Variants in TNS3 observed in about 807,000 individuals in gnomAD.
TNS3 encodes the protein tensin 3, also known as tensin-3.
In TNS3, 45 loss-of-function variants were observed where a neutral mutation model predicts 140.9. The ratio of observed to expected loss-of-function variants is 0.32; its 90% CI spans 0.25 to 0.41. The LOEUF (loss-of-function observed/expected upper bound fraction) is 0.41. Among genes scored for constraint, TNS3 ranks in the 10% least tolerant of loss-of-function variants. The pLI, the probability that TNS3 is intolerant of heterozygous loss-of-function variation, is 1.00. For synonymous variants in TNS3, 815 were observed against 788.4 expected, an observed-to-expected ratio of 1.03 and a Z score of -0.56; for missense variants, 1,716 against 1,906.7, an observed-to-expected ratio of 0.90 and a Z score of 1.86.
chr7:47,382,237 T>C (rs894340998), intron 16 of TNS3, among the ~76,000 whole-genome samples: 14 of 152,040 alleles, frequency 9.2e-5, no homozygotes, highest in African/African-American at 3.4e-4. Flanking sequence ...TTGGGTGGGG[T>C]TGGGGTTTTT....
intron 17 of TNS3, among the ~76,000 whole-genome samples, chr7:47,352,304 AC>A (rs573973161): frequency 2.5e-3 from 379 of 152,202 alleles, no homozygotes; most frequent in Non-Finnish European, 2.7e-3. Flanking sequence ...TGTCACACTC[AC>A]ATTCAGTCTC....
chr7:47,332,993 C>G (rs1788427140), intron 20 of TNS3, among the ~76,000 whole-genome samples: 1 of 152,174 alleles, frequency 6.6e-6, no homozygotes, highest in African/African-American at 2.4e-5. Context: ...CCTCTAAACC[C>G]AAAGTGAGCA....
chr7:47,536,793 G>GCA (rs1282903373), intron 1 of TNS3, among the ~76,000 whole-genome samples: 1 of 152,208 alleles, frequency 6.6e-6, no homozygotes, highest in Non-Finnish European at 1.5e-5. Context: ...ACACATGCCT[G>GCA]CACACACAGA....
At chr7:47,443,640 G>A (rs1472042759) in intron 4 of TNS3, among the ~76,000 whole-genome samples, 3 of 152,108 alleles carry the variant, frequency 2.0e-5, no homozygotes, top group African/African-American at 7.2e-5. Context: ...TTTAGAATAC[G>A]GCCGGGCACA....
chr7:47,402,100 C>G (rs1245580603), intron 13 of TNS3, among the ~76,000 whole-genome samples: 1 of 152,194 alleles, frequency 6.6e-6, no homozygotes, highest in African/African-American at 2.4e-5. Flanking sequence ...AGGGTCTTCC[C>G]TAACCAGATG....
chr7:47,463,144 C>T (rs752903688), intron 4 of TNS3, among the ~76,000 whole-genome samples: 1 of 152,150 alleles, frequency 6.6e-6, no homozygotes, highest in Admixed American at 6.5e-5. Context: ...TTTCACCAAC[C>T]GCTTCAAGGC....
intron 2 of TNS3, among the ~76,000 whole-genome samples, chr7:47,523,396 AAAG>A (rs752317264): frequency 2.6e-4 from 40 of 152,338 alleles, no homozygotes; most frequent in Non-Finnish European, 5.4e-4. Flanking sequence ...TATGCCACAG[AAAG>A]AAGAAGACAG....
intron 4 of TNS3, chr7:47,470,690 G>A: frequency 2.0e-6 from 2 of 980,706 alleles, no homozygotes; most frequent in Non-Finnish European, 2.4e-6. Flanking sequence ...CAGTGTCTGT[G>A]AGCCACACAC....
At chr7:47,409,595 C>T (rs750939494) in intron 13 of TNS3, among the ~76,000 whole-genome samples, 9 of 152,256 alleles carry the variant, frequency 5.9e-5, no homozygotes, top group African/African-American at 1.7e-4. Flanking sequence ...TAGAACACTA[C>T]GCAAACAAGA....
chr7:47,530,946 A>G (rs567290604), intron 1 of TNS3, among the ~76,000 whole-genome samples: 7 of 151,004 alleles, frequency 4.6e-5, no homozygotes, highest in African/African-American at 1.7e-4. Flanking sequence ...AAGATCTTAA[A>G]AACAACCACG....
chr7:47,522,021 A>C (rs184709246), intron 2 of TNS3, among the ~76,000 whole-genome samples: 1 of 152,262 alleles, frequency 6.6e-6, no homozygotes, highest in Admixed American at 6.5e-5. Flanking sequence ...GCCTCCAGGA[A>C]GAAGGCCAGC....
intron 3 of TNS3, among the ~76,000 whole-genome samples, chr7:47,499,228 G>GT (rs1335993724): frequency 6.6e-6 from 1 of 152,218 alleles, no homozygotes; most frequent in Non-Finnish European, 1.5e-5. Context: ...AGGAGTAATA[G>GT]TTCCCAGTAG....
chr7:47,342,245 T>A (rs1240093128), intron 20 of TNS3, among the ~76,000 whole-genome samples: 1 of 152,250 alleles, frequency 6.6e-6, no homozygotes, highest in African/African-American at 2.4e-5. Context: ...TCCAAGGTTT[T>A]AAGTTGTACT....
intron 16 of TNS3, among the ~76,000 whole-genome samples, chr7:47,389,875 C>T (rs1371712105): frequency 3.3e-5 from 5 of 152,260 alleles, no homozygotes; most frequent in Non-Finnish European, 7.3e-5. Flanking sequence ...CAGAACAGGA[C>T]TACCCGCCCA....
chr7:47,368,507 G>C lies in TNS3; in HGVS notation c.2139C>G (p.Phe713Leu), dbSNP rs137976048. The change falls in exon 17 of 31, where the codon TTC becomes TTG. Residue 713 changes from phenylalanine to leucine, a missense_variant. Around this residue, in one of 3 missense-constraint regions of TNS3, gnomAD observed 1,163 missense variants for 1,182.1 expected, o/e 0.98. Transcript: ENST00000311160. ...NRLILELDPT[F>L]EPIPTHMNAL... is the part of the protein sequence containing the mutation. The stretch of plus-strand genomic sequence containing the variant: ...CGTTCATGTGGGTAGGGATGGGCTC[G>C]AAGGTGGGATCCAGCTCCAGGATCA... 2 of 1,593,312 alleles carry C rather than the reference G, an allele frequency of 1.3e-6. No homozygotes were observed. The highest frequency in any genetic ancestry group is 1.7e-4 in the Middle Eastern group (1 of 5,996).
chr7:47,307,054 A>G (rs1786801193), intron 20 of TNS3, among the ~76,000 whole-genome samples: 1 of 152,228 alleles, frequency 6.6e-6, no homozygotes, highest in Non-Finnish European at 1.5e-5. Context: ...AATATACAAA[A>G]AACTGGATAT....
At chr7:47,308,887 A>C (rs1276272746) in intron 20 of TNS3, among the ~76,000 whole-genome samples, 1 of 152,118 alleles carries the variant, frequency 6.6e-6, no homozygotes, top group African/African-American at 2.4e-5. Context: ...CCTCCTACCC[A>C]ACGCTCAGTT....
intron 1 of TNS3, among the ~76,000 whole-genome samples, chr7:47,554,391 C>A (rs1224111699): frequency 6.8e-6 from 1 of 148,136 alleles, no homozygotes; most frequent in Non-Finnish European, 1.5e-5. Context: ...GCACTCCAGT[C>A]TGGGTGACAG....
intron 10 of TNS3, among the ~76,000 whole-genome samples, chr7:47,421,184 C>CAGAAA (rs747664720): frequency 6.6e-6 from 1 of 152,110 alleles, no homozygotes; most frequent in Non-Finnish European, 1.5e-5. Flanking sequence ...AAAGGAAAGG[C>CAGAAA]AGAAAAGAAA....
Sources: gnomAD v4.1 joint callset for allele counts (sites outside exome capture counted in the v4.1 genomes callset) on GRCh38, gnomAD v4.1.1 for gene constraint, gnomAD v4.1.1 regional missense constraint, MANE v1.5 for transcripts, NCBI Gene and HGNC (gene_info 2026-07-23, HGNC 2026-07-21) for gene names.